The following EPHA6 variants were observed in gnomAD, a reference collection of about 807,000 sequenced individuals.
EPHA6 encodes EPH receptor A6.
In EPHA6, 50 loss-of-function variants were observed where a neutral mutation model predicts 112.0. That is an observed-to-expected ratio of 0.45 (90% confidence interval 0.36 to 0.56). The LOEUF is 0.56. Among genes scored for constraint, EPHA6 ranks in the 20% least tolerant of loss-of-function variants. The pLI, the probability that EPHA6 is intolerant of heterozygous loss-of-function variation, is 0.00. For missense variants in EPHA6, 1,280 were observed against 1,417.4 expected (o/e 0.90, Z 1.56); for synonymous variants, 529 against 490.7 (o/e 1.08, Z -1.03).
chr3:97,151,517 C>A (rs1319548403), intron 3 of EPHA6, among the ~76,000 whole-genome samples: 1 of 152,036 alleles, frequency 6.6e-6, no homozygotes, highest in Non-Finnish European at 1.5e-5. Context: ...GATAGAGTTT[C>A]TTTCTTCCTT....
intron 2 of EPHA6, among the ~76,000 whole-genome samples, chr3:96,984,672 A>G (rs1487918390): frequency 1.3e-5 from 2 of 152,188 alleles, no homozygotes; most frequent in African/African-American, 2.4e-5. Context: ...AGAGGCAGGC[A>G]GGCCTCCTTG....
chr3:97,271,385 G>T (rs1207096578), intron 5 of EPHA6, among the ~76,000 whole-genome samples: 2 of 152,204 alleles, frequency 1.3e-5, no homozygotes, highest in Non-Finnish European at 2.9e-5. Context: ...TTGAGACGGA[G>T]TCTCGCTCTG....
At chr3:97,728,766 C>A (rs369846493) in intron 15 of EPHA6, among the ~76,000 whole-genome samples, 1 of 152,106 alleles carries the variant, frequency 6.6e-6, no homozygotes, top group Non-Finnish European at 1.5e-5. Flanking sequence ...GACTTCAGTG[C>A]GGTTTCAGGC....
intron 3 of EPHA6, among the ~76,000 whole-genome samples, chr3:97,217,344 G>T (rs1264361031): frequency 6.6e-6 from 1 of 152,126 alleles, no homozygotes; most frequent in Non-Finnish European, 1.5e-5. Flanking sequence ...TAAAAAGTAT[G>T]TCACTTTTCT....
At chr3:97,557,369 T>C (rs1228302108) in intron 11 of EPHA6, among the ~76,000 whole-genome samples, 5 of 152,020 alleles carry the variant, frequency 3.3e-5, no homozygotes, top group African/African-American at 1.2e-4. Context: ...GGCATTATTT[T>C]ATATGTTCAT....
chr3:97,675,072 T>C (rs1485790167), intron 14 of EPHA6, among the ~76,000 whole-genome samples: 2 of 152,172 alleles, frequency 1.3e-5, no homozygotes, highest in Non-Finnish European at 2.9e-5. Flanking sequence ...CAGCACATTA[T>C]TATTCTGTGT....
chr3:97,433,390 G>C (rs1178252070), intron 6 of EPHA6, among the ~76,000 whole-genome samples: 1 of 151,946 alleles, frequency 6.6e-6, no homozygotes, highest in Non-Finnish European at 1.5e-5. Flanking sequence ...TTTGGACATA[G>C]GCAAATCTCA....
chr3:96,972,745 C>T (rs577019550), intron 2 of EPHA6, among the ~76,000 whole-genome samples: 79 of 152,252 alleles, frequency 5.2e-4, no homozygotes, highest in Middle Eastern at 3.4e-3. Context: ...AGTATTTTAT[C>T]AGGACTTATC....
intron 2 of EPHA6, among the ~76,000 whole-genome samples, chr3:96,967,935 T>G (rs527923783): frequency 6.6e-6 from 1 of 151,998 alleles, no homozygotes; most frequent in African/African-American, 2.4e-5. Flanking sequence ...TATTTAGCAA[T>G]TATTGTTTGA....
At position 96,951,329 on chromosome 3, in the gene EPHA6, A is replaced by G. The variant is rs2041522792; in HGVS notation, c.451-36001A>G. Among the ~76,000 whole-genome samples, 4 of 152,108 alleles carry G rather than the reference A, an allele frequency of 2.6e-5. No individual in the cohort carries two copies. In the South Asian group the frequency reaches 8.3e-4, roughly 31 times the overall value. On this transcript the variant is annotated intron_variant, in intron 2 of 17. Transcript: ENST00000389672. ...CCTTTGTTAAGTTTTTTATTTTTGT[A>G]TTGAAGATAAAGTTATTTAATCAAT...
chr3:97,499,783 T>C (rs993705174), intron 10 of EPHA6, among the ~76,000 whole-genome samples: 15 of 152,138 alleles, frequency 9.9e-5, no homozygotes, highest in African/African-American at 3.1e-4. Context: ...GAATGAAGCT[T>C]GAAGGACTAG....
intron 1 of EPHA6, among the ~76,000 whole-genome samples, chr3:96,829,977 A>G (rs983873298): frequency 2.6e-5 from 4 of 151,658 alleles, no homozygotes; most frequent in African/African-American, 9.7e-5. Context: ...ACACACACAC[A>G]CACACACACA....
At chr3:97,293,174 A>G (rs543985525) in intron 5 of EPHA6, among the ~76,000 whole-genome samples, 2 of 148,708 alleles carry the variant, frequency 1.3e-5, no homozygotes, top group African/African-American at 5.0e-5. Context: ...GCAAGCGTCC[A>G]GCTCTCAGCA....
intron 14 of EPHA6, among the ~76,000 whole-genome samples, chr3:97,674,049 G>A (rs1256077575): frequency 1.3e-5 from 2 of 152,146 alleles, no homozygotes; most frequent in African/African-American, 4.8e-5. Flanking sequence ...TGTGCAGAAC[G>A]ACAGAAAGAA....
chr3:97,590,538 AG>A (rs1281637659), intron 11 of EPHA6, among the ~76,000 whole-genome samples: 5 of 152,218 alleles, frequency 3.3e-5, no homozygotes, highest in Non-Finnish European at 5.9e-5. Flanking sequence ...AACATTATCT[AG>A]AGTCACTACT....
chr3:96,911,634 T>C (rs2107603407), intron 2 of EPHA6, among the ~76,000 whole-genome samples: 1 of 152,170 alleles, frequency 6.6e-6, no homozygotes, highest in Admixed American at 6.6e-5. Flanking sequence ...GGGCAAATTC[T>C]TGTCTGTCTC....
intron 15 of EPHA6, among the ~76,000 whole-genome samples, chr3:97,733,347 G>A (rs973558106): frequency 6.6e-6 from 1 of 152,038 alleles, no homozygotes; most frequent in Non-Finnish European, 1.5e-5. Context: ...AAGCCAGAGT[G>A]AGTTTATGAG....
chr3:97,291,991 T>TG (rs1559856295), intron 5 of EPHA6, among the ~76,000 whole-genome samples: 4 of 152,050 alleles, frequency 2.6e-5, no homozygotes, highest in Non-Finnish European at 5.9e-5. Context: ...CACGGAGCAG[T>TG]GGGGGGTATG....
chr3:97,619,240 A>T (rs1334525203), intron 13 of EPHA6, among the ~76,000 whole-genome samples: 1 of 152,048 alleles, frequency 6.6e-6, no homozygotes, highest in Non-Finnish European at 1.5e-5. Context: ...CTCTCAATAA[A>T]CTAGGTATTG....
Sources: allele counts gnomAD v4.1 joint callset (sites outside exome capture counted in the v4.1 genomes callset), GRCh38; gene constraint gnomAD v4.1.1; transcripts MANE v1.5; gene names NCBI Gene and HGNC (gene_info 2026-07-23, HGNC 2026-07-21).